TRIML2: variants seen among roughly 807,000 people sequenced by gnomAD.
TRIML2 encodes the protein tripartite motif family like 2.
In TRIML2, 28 loss-of-function variants were observed where a neutral mutation model predicts 31.2. The observed-to-expected ratio is 0.90, with a 90% CI of 0.66 to 1.23. The LOEUF (loss-of-function observed/expected upper bound fraction) is 1.23. Ranked by LOEUF, TRIML2 falls within the 50% of genes most tolerant of loss-of-function variation. TRIML2 has a pLI of 0.00. For missense variants in TRIML2, 536 were observed against 528.3 expected, an observed-to-expected ratio of 1.01 and a Z score of -0.14; for synonymous variants, 187 against 197.5, an observed-to-expected ratio of 0.95 and a Z score of 0.45.
intron 7 of TRIML2, among the ~76,000 whole-genome samples, chr4:188,092,227 G>A (rs770015959): frequency 2.0e-5 from 3 of 152,010 alleles, no homozygotes; most frequent in East Asian, 3.9e-4. Flanking sequence ...TTCATCCAAC[G>A]TGGCGCGGTG....
chr4:188,102,322 A>G (rs1038023613), intron 3 of TRIML2, among the ~76,000 whole-genome samples: 4 of 152,052 alleles, frequency 2.6e-5, no homozygotes, highest in African/African-American at 9.7e-5. Context: ...AAGCAACTGG[A>G]AGAATGGAAT....
Position 188,091,411 on chromosome 4 carries a change from G to T in TRIML2, c.1276C>A (p.Gln426Lys). 1 of 1,614,206 alleles carries T rather than the reference G, an allele frequency of 6.2e-7. No homozygotes were observed. Among genetic ancestry groups the T allele is most frequent in the Non-Finnish European group, 8.5e-7 (1 of 1,180,042 alleles). ...GTAGCATCACAAGAAGGACCATGTT[G>T]TAAGATGGTGAGGGAGTCTGGACTT... ...DTSPDSLTIL[Q>K]HGPSCDATVS... The change falls in exon 8 of 8, where the codon CAA becomes AAA. Residue 426 changes from glutamine to lysine, a missense_variant. Transcript: ENST00000682553.
chr4:188,105,631 G>A, intron 1 of TRIML2, 41 bp from the exon 2 acceptor site: 1 of 351,728 alleles, frequency 2.8e-6, no homozygotes, highest in South Asian at 1.1e-4. Context: ...TCTAAGACCA[G>A]CGGGTTTCCC....
chr4:188,101,334 TATC>T, intron 3 of TRIML2, 84 bp from the exon 4 acceptor site: 19 of 690,600 alleles, frequency 2.8e-5, no homozygotes, highest in Non-Finnish European at 4.4e-5. Context: ...TAGATATCTA[TATC>T]TATATATAGA....
At chr4:188,102,434 C>G (rs775880613) in intron 3 of TRIML2, among the ~76,000 whole-genome samples, 2 of 152,024 alleles carry the variant, frequency 1.3e-5, no homozygotes, top group African/African-American at 4.8e-5. Context: ...AATTAGACAT[C>G]CAAGTAAAGA....
In TRIML2 at chr4:188,099,171, AG is replaced by A; in HGVS notation, c.484del (p.Leu162TrpfsTer12). 6.2e-7 allele frequency: 1 copy of A among 1,604,366 alleles called. No homozygotes were observed. The highest frequency in any genetic ancestry group is 8.5e-7 in the Non-Finnish European group (1 of 1,177,066). ...EEMFQEMLQR[L>X]GRVGRENMEK... ...CATGTTCTCTCTCCCCACACGGCCC[AG>A]TCTCTGCAGAAGCATTTCTTCGTTA... On this transcript the variant is annotated frameshift_variant, in exon 5 of 8. Transcript: ENST00000682553. LOFTEE classifies it high-confidence loss of function.
rs1018762580 is a variant in TRIML2 at position 188,104,760 on chromosome 4, C to T, written c.285+77G>A. 7.5e-6 allele frequency: 9 copies of T among 1,197,748 alleles called. 1 individual carries two copies. In the South Asian group the frequency reaches 1.0e-4, roughly 14 times the overall value. 74.2% of individuals were successfully genotyped at this position (1,197,748 alleles called of 1,614,324 possible). A position where few individuals can be genotyped will look rare whatever the true frequency, so the allele number is the denominator to read the frequency against. ...TCCTGCTTTGTGATTTGTCTTTTGA[C>T]TTTGTTTATGATACACTATTTTCTA... On this transcript the variant is annotated intron_variant, in intron 3 of 7. Coordinates refer to ENST00000682553, the MANE Select transcript of TRIML2 (RefSeq NM_173553.4).
At chr4:188,103,039 G>A (rs1467051890) in intron 3 of TRIML2, among the ~76,000 whole-genome samples, 2 of 122,496 alleles carry the variant, frequency 1.6e-5, no homozygotes, top group Admixed American at 1.9e-4. Context: ...TTGAGACGGA[G>A]TCTCGCTCTG....
chr4:188,096,528 C>CAAAAA (rs10607852), intron 7 of TRIML2, among the ~76,000 whole-genome samples: 394 of 39,292 alleles, frequency 0.01, 34 homozygotes, highest in Middle Eastern at 0.036. Flanking sequence ...AACTCTGTCT[C>CAAAAA]AAAAAAAAAA....
chr4:188,098,847 C>T (rs561963701), intron 5 of TRIML2, 188 bp downstream of exon 5: 4 of 625,260 alleles, frequency 6.4e-6, no homozygotes, highest in East Asian at 5.8e-5. Context: ...TGAAGCAGCT[C>T]CACACTATCC....
chr4:188,094,199 C>T (rs1015136313), intron 7 of TRIML2, among the ~76,000 whole-genome samples: 1 of 152,170 alleles, frequency 6.6e-6, no homozygotes, highest in African/African-American at 2.4e-5. Context: ...TTAATGTTTT[C>T]TTTCTTCCTA....
intron 7 of TRIML2, among the ~76,000 whole-genome samples, chr4:188,096,308 G>A (rs929621671): frequency 3.3e-5 from 5 of 151,834 alleles, no homozygotes; most frequent in South Asian, 2.1e-4. Context: ...CCCAAGGCGC[G>A]TGGATCACCT....
chr4:188,105,275 C>A lies in TRIML2; in HGVS notation c.94G>T (p.Val32Phe). 6.2e-7 allele frequency: 1 copy of A among 1,612,642 alleles called. No individual in the cohort carries two copies. The highest frequency in any genetic ancestry group is 8.5e-7 in the Non-Finnish European group (1 of 1,178,766). ...HLEPTRLFCDVDQITLCSKCF... is the reference protein window; with the variant it reads ...HLEPTRLFCDFDQITLCSKCF... ...TTGCTGCAGAGTGTGATTTGGTCAA[C>A]ATCACAGAACAGCCGTGTTGGTTCC... The change falls in exon 2 of 8, where the codon GTT (valine) becomes TTT (phenylalanine). Residue 32 changes from valine to phenylalanine, a missense_variant. Transcript: ENST00000682553.
intron 3 of TRIML2, among the ~76,000 whole-genome samples, chr4:188,103,803 G>A (rs1192856500): frequency 6.6e-6 from 1 of 152,100 alleles, no homozygotes; most frequent in Non-Finnish European, 1.5e-5. Context: ...ACCTTGCATA[G>A]TCCCTGGCAA....
intron 4 of TRIML2, 72 bp from the exon 5 acceptor site, chr4:188,099,247 T>C: frequency 4.6e-6 from 7 of 1,507,134 alleles, no homozygotes; most frequent in South Asian, 4.0e-5. Flanking sequence ...ACTTCTCCTA[T>C]AGATTAATTC....
At chr4:188,098,272 T>C in intron 5 of TRIML2, 1 of 455,226 alleles carries the variant, frequency 2.2e-6, no homozygotes, top group Non-Finnish European at 4.4e-6. Flanking sequence ...AATTTCAAGA[T>C]CAAGGCACTG....
chr4:188,091,987 C>T, intron 7 of TRIML2, 46 bp from the exon 8 acceptor site: 1 of 1,551,056 alleles, frequency 6.4e-7, no homozygotes, highest in Non-Finnish European at 8.7e-7. Context: ...TCACCAATGC[C>T]AATGCCAGAG....
chr4:188,098,150 C>A, intron 5 of TRIML2: 1 of 300,802 alleles, frequency 3.3e-6, no homozygotes, highest in Non-Finnish European at 6.8e-6. Context: ...AGGTAACCCA[C>A]TTTCTGAAAG....
intron 1 of TRIML2, among the ~76,000 whole-genome samples, chr4:188,107,349 G>T (rs1205918222): frequency 1.3e-5 from 2 of 152,156 alleles, no homozygotes; most frequent in Non-Finnish European, 2.9e-5. Flanking sequence ...ATAAAATGCA[G>T]TTTTAAATTT....
Sources: gnomAD v4.1 joint callset for allele counts (sites outside exome capture counted in the v4.1 genomes callset) on GRCh38, gnomAD v4.1.1 for gene constraint, MANE v1.5 for transcripts, NCBI Gene and HGNC (gene_info 2026-07-23, HGNC 2026-07-21) for gene names.